The following NFATC2 variants were observed in gnomAD, a reference collection of about 807,000 sequenced individuals.
NFATC2 encodes the protein nuclear factor of activated T cells 2.
Under a neutral mutation model 87.3 loss-of-function variants are expected in NFATC2, and 22 were observed. The observed-to-expected ratio is 0.25, with a 90% CI of 0.18 to 0.36. The LOEUF is 0.36. Among genes scored for constraint, NFATC2 ranks in the 10% least tolerant of loss-of-function variants. The pLI, the probability that NFATC2 is intolerant of heterozygous loss-of-function variation, is 1.00. For synonymous variants in NFATC2, 565 were observed against 542.2 expected (o/e 1.04, Z -0.58); for missense variants, 1,149 against 1,259.1 (o/e 0.91, Z 1.32).
chr20:51,395,788 A>G lies in NFATC2; in HGVS notation c.*44+2855T>C, dbSNP rs75162730. ...TTTCAACTCAGTAAGAAGGATATTAATATTCTAATAAAAATGGCTATAGAC... is the reference window on the plus strand; with the variant it reads ...TTTCAACTCAGTAAGAAGGATATTAGTATTCTAATAAAAATGGCTATAGAC... On this transcript the variant is annotated intron_variant, in intron 10 of 10. Transcript: ENST00000371564. Among the ~76,000 whole-genome samples, 1,510 of 152,112 alleles carry G rather than the reference A, an allele frequency of 9.9e-3. 31 individuals are homozygous for G. The highest frequency in any genetic ancestry group is 0.035 in the African/African-American group (1,464 of 41,452).
At chr20:51,491,480 G>T (rs1054577982) in intron 3 of NFATC2, among the ~76,000 whole-genome samples, 1 of 152,310 alleles carries the variant, frequency 6.6e-6, no homozygotes, top group Admixed American at 6.5e-5. Context: ...CAGAAAGCTT[G>T]CTTTGCAGTG....
chr20:51,400,488 G>A (rs751911191), intron 9 of NFATC2, among the ~76,000 whole-genome samples: 7 of 152,014 alleles, frequency 4.6e-5, no homozygotes, highest in East Asian at 1.9e-4. Flanking sequence ...GCACAATGGC[G>A]CTATCTCAGG....
chr20:51,556,453 C>T (rs1278289202), intron 1 of NFATC2, among the ~76,000 whole-genome samples: 1 of 152,196 alleles, frequency 6.6e-6, no homozygotes, highest in African/African-American at 2.4e-5. Flanking sequence ...CTGAAGTCAT[C>T]CTGGCTATTT....
chr20:51,393,790 TA>T (rs1355106718), intron 10 of NFATC2, among the ~76,000 whole-genome samples: 1 of 152,164 alleles, frequency 6.6e-6, no homozygotes, highest in Non-Finnish European at 1.5e-5. Flanking sequence ...AGGGGATCCT[TA>T]ATGAAAACTT....
chr20:51,506,136 TG>T (rs1001525593), intron 3 of NFATC2, among the ~76,000 whole-genome samples: 2 of 152,074 alleles, frequency 1.3e-5, no homozygotes, highest in Non-Finnish European at 2.9e-5. Context: ...CAGCTGTAAA[TG>T]GGGTTAATGG....
intron 3 of NFATC2, among the ~76,000 whole-genome samples, chr20:51,514,539 G>A (rs2076321673): frequency 6.6e-6 from 1 of 152,182 alleles, no homozygotes; most frequent in African/African-American, 2.4e-5. Flanking sequence ...GTAGTGGCAG[G>A]TAGCATGAAG....
upstream of NFATC2, among the ~76,000 whole-genome samples, chr20:51,543,980 T>A (rs1165079387): frequency 8.0e-6 from 1 of 125,100 alleles, no homozygotes; most frequent in African/African-American, 3.2e-5. Context: ...TCCTAATTTT[T>A]TTTTTTTTTT....
intron 9 of NFATC2, among the ~76,000 whole-genome samples, chr20:51,404,757 TGA>T (rs1988388110): frequency 6.6e-6 from 1 of 152,184 alleles, no homozygotes; most frequent in Non-Finnish European, 1.5e-5. Flanking sequence ...CACATCCTGC[TGA>T]GAGGGGCCCC....
intron 3 of NFATC2, among the ~76,000 whole-genome samples, chr20:51,508,982 A>G (rs2076230169): frequency 6.6e-6 from 1 of 151,994 alleles, no homozygotes; most frequent in Non-Finnish European, 1.5e-5. Flanking sequence ...CTCAGAGTCC[A>G]AGTCCTCTAA....
chr20:51,439,825 A>G (rs1045071788), intron 6 of NFATC2, among the ~76,000 whole-genome samples: 4 of 152,172 alleles, frequency 2.6e-5, no homozygotes, highest in African/African-American at 7.2e-5. Context: ...GAGACCTTAG[A>G]TATGGCACGA....
In NFATC2 at chr20:51,551,000, A is replaced by G. The variant is rs144325965; in HGVS notation, c.70+11560T>C. 3.4e-3 allele frequency among the ~76,000 whole-genome samples: 519 copies of G among 152,376 alleles called. 5 individuals are homozygous for G. The highest frequency in any genetic ancestry group is 0.011 in the African/African-American group (477 of 41,588). ...ATTATAATAAAACACTGCTTATAAA[A>G]GGCAGGCATTGAAACGTTTTAAGTT... On this transcript the variant is annotated intron_variant, in intron 1 of 10. Transcript: ENST00000414705.
At chr20:51,423,360 GT>G (rs1381385348) in intron 9 of NFATC2, among the ~76,000 whole-genome samples, 5 of 148,972 alleles carry the variant, frequency 3.4e-5, no homozygotes, top group Middle Eastern at 6.4e-3. Flanking sequence ...ATCCATTGCA[GT>G]TTCCAGCCCC....
chr20:51,466,209 C>T (rs1987673686), intron 5 of NFATC2, among the ~76,000 whole-genome samples: 2 of 152,184 alleles, frequency 1.3e-5, no homozygotes, highest in African/African-American at 4.8e-5. Context: ...TGCACCACCA[C>T]ACCTGGCTAA....
Position 51,458,527 on chromosome 20 carries a change from G to A in NFATC2, c.1709-3839C>T, listed in dbSNP as rs972900102. Among the ~76,000 whole-genome samples, 59 of 151,952 alleles carry A rather than the reference G, an allele frequency of 3.9e-4. 1 individual carries two copies. The highest frequency in any genetic ancestry group is 1.2e-3 in the African/African-American group (49 of 41,446). On this transcript the variant is annotated intron_variant, in intron 5 of 10. Coordinates refer to ENST00000371564, the MANE Select transcript of NFATC2 (RefSeq NM_012340.5). Reference sequence around the variant, plus strand: ...AAAAAAAAATCTTCAAGCCAGGTGCGGTGGCTCACGCCTGTAATCCTAGCA... The same window carrying A: ...AAAAAAAAATCTTCAAGCCAGGTGCAGTGGCTCACGCCTGTAATCCTAGCA...
chr20:51,464,671 G>C (rs933956391), intron 5 of NFATC2, among the ~76,000 whole-genome samples: 8 of 152,122 alleles, frequency 5.3e-5, no homozygotes, highest in Non-Finnish European at 1.0e-4. Flanking sequence ...GGGGGGTGGG[G>C]GGATGAGGAG....
At chr20:51,401,568 G>A (rs74380461) in intron 9 of NFATC2, among the ~76,000 whole-genome samples, 3,712 of 152,266 alleles carry the variant, frequency 0.024, 147 homozygotes, top group African/African-American at 0.085. Flanking sequence ...AGATGCGGAC[G>A]TCAAGAGAAA....
intron 3 of NFATC2, among the ~76,000 whole-genome samples, chr20:51,511,317 T>C (rs1279955544): frequency 6.6e-6 from 1 of 152,224 alleles, no homozygotes; most frequent in African/African-American, 2.4e-5. Flanking sequence ...CTTAGTCCAC[T>C]GCTTCTAGAG....
rs117097053 is a variant in NFATC2 at position 51,534,727 on chromosome 20, C to T, written c.130+7643G>A. ...GCCTTTGCATATATATACACACACT[C>T]GAACATTTCAAGTCCCCCAGAGGGT... On this transcript the variant is annotated intron_variant, in intron 1 of 10. Transcript: ENST00000371564. Among the ~76,000 whole-genome samples, 1,196 of 152,296 alleles carry T rather than the reference C, an allele frequency of 7.9e-3. 9 individuals carry two copies. The highest frequency in any genetic ancestry group is 0.034 in the Middle Eastern group (10 of 294).
At chr20:51,442,016 G>A (rs1337731847) in intron 6 of NFATC2, among the ~76,000 whole-genome samples, 3 of 152,196 alleles carry the variant, frequency 2.0e-5, no homozygotes, top group Non-Finnish European at 4.4e-5. Context: ...TTTATTGGTA[G>A]GGGACTGGTT....
Sources: gnomAD v4.1 joint callset for allele counts (sites outside exome capture counted in the v4.1 genomes callset) on GRCh38, gnomAD v4.1.1 for gene constraint, MANE v1.5 for transcripts, NCBI Gene and HGNC (gene_info 2026-07-23, HGNC 2026-07-21) for gene names.